TMEM44: variants seen among roughly 807,000 people sequenced by gnomAD.
The protein encoded by TMEM44 is transmembrane protein 44.
In TMEM44, 43 loss-of-function variants were observed where a neutral mutation model predicts 47.8. The ratio of observed to expected loss-of-function variants is 0.90; its 90% CI spans 0.70 to 1.16. The LOEUF is 1.16. Ranked by LOEUF, TMEM44 falls within the 50% of genes most tolerant of loss-of-function variation. TMEM44 has a pLI of 0.00. For synonymous variants in TMEM44, 277 were observed against 238.8 expected (o/e 1.16, Z -1.48); for missense variants, 568 against 555.2 (o/e 1.02, Z -0.23).
chr3:194,631,689 G>A (rs1215644574), intron 1 of TMEM44, among the ~76,000 whole-genome samples: 1 of 152,170 alleles, frequency 6.6e-6, no homozygotes, highest in Non-Finnish European at 1.5e-5. Context: ...GGCTTCACAC[G>A]CGGGGGCTTT....
intron 3 of TMEM44, 71 bp from the exon 4 acceptor site, chr3:194,623,766 AAGAACTGGTGTCAGC>A: frequency 1.3e-6 from 2 of 1,590,046 alleles, no homozygotes; most frequent in Non-Finnish European, 8.6e-7. Context: ...GCTGCGTGGG[AAGAACTGGTGTCAGC>A]TCCCCACATG....
chr3:194,594,169 C>CTATCTA (rs1713128320), intron 9 of TMEM44, among the ~76,000 whole-genome samples: 2 of 52,902 alleles, frequency 3.8e-5, no homozygotes, highest in Admixed American at 2.2e-4. Context: ...CTATCTATAT[C>CTATCTA]TATCTATCTG....
chr3:194,625,105 C>G (rs887639444), intron 3 of TMEM44, among the ~76,000 whole-genome samples: 9 of 152,220 alleles, frequency 5.9e-5, no homozygotes, highest in Non-Finnish European at 1.2e-4. Context: ...GGCCACTCAT[C>G]CTGGCCCAGT....
At chr3:194,594,949 A>C (rs1300971518) in intron 9 of TMEM44, among the ~76,000 whole-genome samples, 1 of 152,204 alleles carries the variant, frequency 6.6e-6, no homozygotes, top group Admixed American at 6.5e-5. Context: ...TAGTGTGCCT[A>C]AGGAGTACAA....
chr3:194,589,497 C>T (rs1166450849), intron 9 of TMEM44: 1 of 152,210 alleles, frequency 6.6e-6, no homozygotes, highest in African/African-American at 2.4e-5. Flanking sequence ...TCCACGGGAA[C>T]AGAGCAAACG....
intron 5 of TMEM44, among the ~76,000 whole-genome samples, chr3:194,618,455 G>T (rs1342451335): frequency 2.0e-5 from 3 of 148,862 alleles, no homozygotes; most frequent in Admixed American, 1.3e-4. Flanking sequence ...AAACTCATTA[G>T]ATGAGTTATA....
intron 6 of TMEM44, among the ~76,000 whole-genome samples, chr3:194,616,005 A>C (rs1560183715): frequency 6.6e-6 from 1 of 152,038 alleles, no homozygotes; most frequent in South Asian, 2.1e-4. Context: ...CAATACATGC[A>C]GTGGGTTGAA....
At chr3:194,625,624 G>A (rs561798005) in intron 3 of TMEM44, among the ~76,000 whole-genome samples, 28 of 152,162 alleles carry the variant, frequency 1.8e-4, no homozygotes, top group Non-Finnish European at 3.5e-4. Context: ...GGAATTACAG[G>A]CGCACGCCAC....
chr3:194,589,813 TCTC>T (rs1373117761), intron 9 of TMEM44: 1 of 152,068 alleles, frequency 6.6e-6, no homozygotes, highest in Non-Finnish European at 1.5e-5. Flanking sequence ...GGGCTCCAGT[TCTC>T]CTCCTGTCAC....
Position 194,618,376 on chromosome 3 carries a change from C to A in TMEM44, c.613-1107G>T, listed in dbSNP as rs943730829. ...ATATGAATATGTATATACACAAACA[C>A]CATATATTTCTGATTACATACTTAT... On this transcript the variant is annotated intron_variant, in intron 5 of 9. Transcript: ENST00000347147. 1.1e-4 allele frequency among the ~76,000 whole-genome samples: 16 copies of A among 151,172 alleles called. No individual in the cohort carries two copies. In the East Asian group the frequency reaches 2.9e-3, roughly 27 times the overall value.
chr3:194,610,638 A>G lies in TMEM44; in HGVS notation c.1017+278T>C, dbSNP rs73195045. On this transcript the variant is annotated intron_variant, in intron 8 of 9. Transcript: ENST00000347147. ...TAATATGGTATATACGCCTCCATCA[A>G]CTGGCCACCTCCTTGAGCCACATTT... Among the ~76,000 whole-genome samples, 939 of 152,206 alleles carry G rather than the reference A, an allele frequency of 6.2e-3. 8 individuals are homozygous for G. The highest frequency in any genetic ancestry group is 9.2e-3 in the Non-Finnish European group (623 of 68,016).
intron 1 of TMEM44, among the ~76,000 whole-genome samples, chr3:194,632,748 G>C (rs1213820321): frequency 6.6e-6 from 1 of 152,112 alleles, no homozygotes; most frequent in African/African-American, 2.4e-5. Flanking sequence ...GGTCATAGGA[G>C]GCCCAGAGAG....
chr3:194,628,341 T>C, intron 2 of TMEM44, 42 bp downstream of exon 2: 1 of 1,589,750 alleles, frequency 6.3e-7, no homozygotes, highest in Middle Eastern at 1.8e-4. Context: ...AGGCCTCCCT[T>C]AGTGCTGGCC....
chr3:194,617,324 G>T, intron 5 of TMEM44, 55 bp from the exon 6 acceptor site: 1 of 1,466,368 alleles, frequency 6.8e-7, no homozygotes, highest in Non-Finnish European at 9.1e-7. Context: ...ACAAGACCCA[G>T]GGCCCTCAGT....
At chr3:194,606,177 G>A (rs963351006) in intron 8 of TMEM44, among the ~76,000 whole-genome samples, 1 of 152,204 alleles carries the variant, frequency 6.6e-6, no homozygotes, top group African/African-American at 2.4e-5. Context: ...CGAGGATGCA[G>A]GATTTGATCC....
intron 9 of TMEM44, chr3:194,593,024 A>C (rs767041934): frequency 1.2e-6 from 2 of 1,613,688 alleles, no homozygotes; most frequent in African/African-American, 2.7e-5. Flanking sequence ...GAAGAGAAAG[A>C]GCATGATCGT....
At chr3:194,591,099 CAA>C (rs2109144736) in intron 9 of TMEM44, among the ~76,000 whole-genome samples, 1 of 152,124 alleles carries the variant, frequency 6.6e-6, no homozygotes, top group South Asian at 2.1e-4. Context: ...GAGGCTGACA[CAA>C]GAGAATCGCT....
intron 5 of TMEM44, chr3:194,617,826 G>A: frequency 1.4e-6 from 1 of 691,788 alleles, no homozygotes; most frequent in Non-Finnish European, 2.6e-6. Context: ...GAATGGTCTG[G>A]CACCATACCC....
intron 2 of TMEM44, among the ~76,000 whole-genome samples, chr3:194,628,046 C>T (rs1263593591): frequency 1.3e-5 from 2 of 152,114 alleles, no homozygotes; most frequent in Admixed American, 1.3e-4. Context: ...AATGGTGACC[C>T]ACCTCTTCCA....
Sources: allele counts gnomAD v4.1 joint callset (sites outside exome capture counted in the v4.1 genomes callset), GRCh38; gene constraint gnomAD v4.1.1; transcripts MANE v1.5; gene names NCBI Gene and HGNC (gene_info 2026-07-23, HGNC 2026-07-21).